The following CACNA1C variants were observed in gnomAD, a reference collection of about 807,000 sequenced individuals.
The protein encoded by CACNA1C is voltage-dependent L-type calcium channel subunit alpha-1C.
CACNA1C carries 30 observed loss-of-function variants against 229.0 expected under a neutral mutation model. The ratio of observed to expected loss-of-function variants is 0.13; its 90% CI spans 0.10 to 0.18. The LOEUF is 0.18. CACNA1C is among the 10% of genes least tolerant of loss of function. The pLI, the probability that CACNA1C is intolerant of heterozygous loss-of-function variation, is 1.00. For synonymous variants in CACNA1C, 1,114 were observed against 1,132.5 expected (o/e 0.98, Z 0.33); for missense variants, 1,658 against 2,845.0 (o/e 0.58, Z 9.49).
rs1358939959 is a variant in CACNA1C at position 2,319,161 on chromosome 12, C to T, written c.478-129815C>T. Among the ~76,000 whole-genome samples the T allele has an allele frequency of 1.3e-5, 2 of 152,058 alleles. No homozygotes were observed. Among genetic ancestry groups the T allele is most frequent in the African/African-American group, 4.8e-5 (2 of 41,388 alleles). Reference sequence around the variant, plus strand: ...CTACCTGTCACCTGTCCTGGGCAGGCAGGGGTCCCCACATATCACTGCACC... The same window carrying T: ...CTACCTGTCACCTGTCCTGGGCAGGTAGGGGTCCCCACATATCACTGCACC... On this transcript the variant is annotated intron_variant, in intron 3 of 46. Coordinates refer to ENST00000399655, the MANE Select transcript of CACNA1C (RefSeq NM_000719.7). The surrounding 1 kb of genome is among the most constrained non-coding windows in gnomAD (Gnocchi z 4.0).
intron 3 of CACNA1C, among the ~76,000 whole-genome samples, chr12:2,358,828 G>A (rs1225651516): frequency 6.6e-6 from 1 of 152,036 alleles, no homozygotes; most frequent in Non-Finnish European, 1.5e-5. Context: ...CCTCACTGGA[G>A]GTGCAGTCAG....
At chr12:2,302,625 A>T (rs116641865) in intron 3 of CACNA1C, among the ~76,000 whole-genome samples, 246 of 152,094 alleles carry the variant, frequency 1.6e-3, no homozygotes, top group African/African-American at 5.8e-3. Context: ...GCCAACAGGG[A>T]GTGGCCACTT....
At position 2,666,296 on chromosome 12, in the gene CACNA1C, C is replaced by T. The variant is rs114790538; in HGVS notation, c.4527-390C>T. Among the ~76,000 whole-genome samples the T allele has an allele frequency of 3.3e-4, 50 of 150,938 alleles. 1 individual carries two copies. Among genetic ancestry groups the T allele is most frequent in the African/African-American group, 8.8e-4 (36 of 41,112 alleles). On this transcript the variant is annotated intron_variant, in intron 36 of 46. Transcript: ENST00000399655. The surrounding 1 kb of genome is among the most constrained non-coding windows in gnomAD (Gnocchi z 5.3). ...GTGCTCAAGTTAGGATAGGTAGGGC[C>T]GGGGAAAATCTTGATTCCATTCCCG...
rs565327034 is a variant in CACNA1C at position 2,468,496 on chromosome 12, T to C, written c.757+10790T>C. Among the ~76,000 whole-genome samples, 4 of 152,338 alleles carry C rather than the reference T, an allele frequency of 2.6e-5. No individual in the cohort carries two copies. The South Asian group carries it at 8.3e-4, about 32-fold the overall frequency. The stretch of plus-strand genomic sequence containing the variant: ...TTTAGAGATAGGCAAATCCAGGCTA[T>C]CTAGTTCAGACTGTTTTCCAGTCGG... On this transcript the variant is annotated intron_variant, in intron 5 of 46. Coordinates refer to ENST00000399655, the MANE Select transcript of CACNA1C (RefSeq NM_000719.7).
rs577381159 is a variant in CACNA1C, at chr12:2,305,659, C to T, written c.478-143317C>T. On this transcript the variant is annotated intron_variant, in intron 3 of 46. Transcript: ENST00000399655. ...AGGAATTAGAGACCAGCCTAGGCAACATAGTGAGACCCCATTGCTTAAAAA... is the reference window on the plus strand; with the variant it reads ...AGGAATTAGAGACCAGCCTAGGCAATATAGTGAGACCCCATTGCTTAAAAA... Among the ~76,000 whole-genome samples the T allele has an allele frequency of 4.6e-5, 7 of 152,150 alleles. No individual in the cohort carries two copies. In the South Asian group the frequency reaches 1.4e-3, roughly 31 times the overall value.
chr12:2,117,809 C>T (rs531079790), intron 2 of CACNA1C, among the ~76,000 whole-genome samples: 24 of 152,322 alleles, frequency 1.6e-4, no homozygotes, highest in Middle Eastern at 3.4e-3. Context: ...GGGGAGTGTG[C>T]CTTCCCACCT....
At chr12:2,680,356 G>A in intron 42 of CACNA1C, 1 of 1,541,496 alleles carries the variant, frequency 6.5e-7, no homozygotes. Context: ...TCATCCCTGT[G>A]CTCTAGGATG....
intron 43 of CACNA1C, among the ~76,000 whole-genome samples, chr12:2,683,585 G>A (rs1348832521): frequency 6.6e-6 from 1 of 152,210 alleles, no homozygotes; most frequent in Non-Finnish European, 1.5e-5. Context: ...TTCCCCAGGG[G>A]GTAATGCCTG....
Position 2,053,693 on chromosome 12 carries a change from C to G in CACNA1C, c.49+82C>G. On this transcript the variant is annotated intron_variant, in intron 1 of 46. Transcript: ENST00000399655. The surrounding 1 kb of genome is among the most constrained non-coding windows in gnomAD (Gnocchi z 5.8). ...GCCCTACCCGCGCTCCCCGCGGCCC[C>G]GGGGCCGGTCCCTGCGGAGTGGCCC... is the stretch of plus-strand genomic sequence containing the variant. The G allele has an allele frequency of 8.3e-7, 1 of 1,202,598 alleles. No individual in the cohort carries two copies. The highest frequency in any genetic ancestry group is 1.1e-6 in the Non-Finnish European group (1 of 928,728). The allele number at this position is 1,202,598 out of a possible 1,614,324, so 74.5% of individuals were successfully genotyped here.
chr12:2,329,456 G>A (rs536345482), intron 3 of CACNA1C, among the ~76,000 whole-genome samples: 37 of 152,250 alleles, frequency 2.4e-4, no homozygotes, highest in African/African-American at 8.9e-4. Context: ...TGCACCACCA[G>A]CCAATGCAGT....
At chr12:2,554,528 T>C (rs2043017160) in intron 10 of CACNA1C, among the ~76,000 whole-genome samples, 1 of 152,014 alleles carries the variant, frequency 6.6e-6, no homozygotes, top group African/African-American at 2.4e-5. Context: ...ATTGTGAAGA[T>C]CGGTAGCAGG....
intron 1 of CACNA1C, among the ~76,000 whole-genome samples, chr12:2,099,101 C>T (rs942911422): frequency 1.3e-5 from 2 of 152,222 alleles, no homozygotes; most frequent in African/African-American, 2.4e-5. Flanking sequence ...GGCTTAGTCT[C>T]GCTGCCGCTC....
chr12:2,609,794 G>GT (rs576245479), intron 27 of CACNA1C, among the ~76,000 whole-genome samples: 4 of 151,974 alleles, frequency 2.6e-5, no homozygotes, highest in Admixed American at 2.6e-4. Context: ...AGTGAACTGT[G>GT]TTTTTCCATC....
At chr12:2,386,620 C>T (rs902181274) in intron 3 of CACNA1C, among the ~76,000 whole-genome samples, 6 of 152,216 alleles carry the variant, frequency 3.9e-5, no homozygotes, top group African/African-American at 1.4e-4. Flanking sequence ...CCTATACCTC[C>T]TCCCCACACA....
rs143528778 is a variant in CACNA1C, at chr12:2,352,683, G to A, written c.478-96293G>A. On this transcript the variant is annotated intron_variant, in intron 3 of 46. Transcript: ENST00000399655. ...ACCCTGACATACCTCTTGGTGGGGA[G>A]ATGCTGGTTACCCCCAAGGATGCTG... Among the ~76,000 whole-genome samples the A allele has an allele frequency of 4.4e-3, 647 of 148,456 alleles. 11 individuals carry two copies. The highest frequency in any genetic ancestry group is 0.01 in the Admixed American group (155 of 14,946).
At chr12:2,235,821 A>G (rs2067146326) in intron 3 of CACNA1C, among the ~76,000 whole-genome samples, 1 of 152,020 alleles carries the variant, frequency 6.6e-6, no homozygotes, top group Admixed American at 6.6e-5. Flanking sequence ...CCCAGGTTCC[A>G]TTTTTCACTT....
At chr12:2,090,828 G>A (rs931173877) in intron 1 of CACNA1C, among the ~76,000 whole-genome samples, 1 of 152,054 alleles carries the variant, frequency 6.6e-6, no homozygotes, top group Admixed American at 6.6e-5. Flanking sequence ...AGTTTTCCAC[G>A]GTGGCTGCTC....
chr12:2,206,567 C>T (rs1040836326), intron 3 of CACNA1C, among the ~76,000 whole-genome samples: 2 of 152,212 alleles, frequency 1.3e-5, no homozygotes, highest in African/African-American at 4.8e-5. Context: ...CATGAATATT[C>T]AATGAGATGA....
Position 2,085,836 on chromosome 12 carries a change from G to C in CACNA1C, c.50-29388G>C, listed in dbSNP as rs77130055. ...ATAGGTGGTCCTGCATCGTCTTACT[G>C]TTCTCAGCTTTTACTGTTTCTTCTA... On this transcript the variant is annotated intron_variant, in intron 1 of 46. Transcript: ENST00000399655. Among the ~76,000 whole-genome samples the C allele has an allele frequency of 8.1e-3, 1,232 of 152,278 alleles. 17 individuals carry two copies. Among genetic ancestry groups the C allele is most frequent in the African/African-American group, 0.028 (1,155 of 41,550 alleles).
Sources: gnomAD v4.1 joint callset for allele counts (sites outside exome capture counted in the v4.1 genomes callset) on GRCh38, gnomAD v4.1.1 for gene constraint, Gnocchi (gnomAD v3.1) non-coding constraint, MANE v1.5 for transcripts, NCBI Gene and HGNC (gene_info 2026-07-23, HGNC 2026-07-21) for gene names.